AGAP3: variants seen among roughly 807,000 people sequenced by gnomAD.
The protein encoded by AGAP3 is ArfGAP with GTPase domain, ankyrin repeat and PH domain 3.
In AGAP3, 24 loss-of-function variants were observed where a neutral mutation model predicts 96.9. The ratio of observed to expected loss-of-function variants is 0.25; its 90% confidence interval spans 0.18 to 0.35. The LOEUF (loss-of-function observed/expected upper bound fraction) is 0.35, where lower values mean the gene tolerates loss of function less well. Ranked by LOEUF, AGAP3 falls within the 10% of genes least tolerant of loss-of-function variation. The pLI is 1.00. For synonymous variants in AGAP3, 563 were observed against 536.1 expected (o/e 1.05, Z -0.69); for missense variants, 876 against 1,254.2 (o/e 0.70, Z 4.55).
intron 8 of AGAP3, chr7:151,120,908 AACCCTAATCCTCCAGCCGGGCTTGGC>A: frequency 1.9e-6 from 2 of 1,028,082 alleles, no homozygotes; most frequent in Non-Finnish European, 2.4e-6. Flanking sequence ...TGCCCATCCA[AACCCTAATCCTCCAGCCGGGCTTGGC>A]TGGATGTTCC....
chr7:151,103,027 G>C (rs1021175318), intron 1 of AGAP3, among the ~76,000 whole-genome samples: 2 of 152,252 alleles, frequency 1.3e-5, no homozygotes, highest in Non-Finnish European at 2.9e-5. Flanking sequence ...ACTCCAGCTT[G>C]GACTATATTT....
intron 8 of AGAP3, 66 bp from the exon 9 acceptor site, chr7:151,123,728 A>G: frequency 6.3e-7 from 1 of 1,593,618 alleles, no homozygotes; most frequent in Non-Finnish European, 8.6e-7. Flanking sequence ...GAGGCCGGGA[A>G]GTCCAGGTGG....
At chr7:151,092,788 C>G (rs182558477) in intron 1 of AGAP3, among the ~76,000 whole-genome samples, 15 of 152,264 alleles carry the variant, frequency 9.9e-5, no homozygotes, top group Admixed American at 5.2e-4. Flanking sequence ...AACTCCAGGT[C>G]TCTGTGGTTT....
rs1161101625 is a variant in AGAP3 at position 151,087,084 on chromosome 7, C to A, written c.331+12C>A. 1 of 1,580,842 alleles carries A rather than the reference C, an allele frequency of 6.3e-7. No homozygotes were observed. The highest frequency in any genetic ancestry group is 1.1e-5 in the South Asian group (1 of 87,348). ...CATCTCCATCGAGGGTGAGCGGAGCCGGGGGCTGCGGGAGCCGGGGCGCAG... is the reference window on the plus strand; with the variant it reads ...CATCTCCATCGAGGGTGAGCGGAGCAGGGGGCTGCGGGAGCCGGGGCGCAG... On this transcript the variant is annotated intron_variant, in intron 1 of 17. Transcript: ENST00000397238.
At chr7:151,117,522 T>G (rs192463556) in intron 4 of AGAP3, 66 bp downstream of exon 4, 1 of 1,613,372 alleles carries the variant, frequency 6.2e-7, no homozygotes, top group East Asian at 2.2e-5. Flanking sequence ...GCTTGCTGGT[T>G]GGGACTGGGA....
In AGAP3 at chr7:151,143,777, C is replaced by A; in HGVS notation, c.2570C>A (p.Thr857Asn). Residue 857 changes from threonine to asparagine, a missense_variant, in exon 18 of 18, where the codon ACT becomes AAT. By Grantham distance (65) the Thr-to-Asn change is moderately conservative. Coordinates refer to ENST00000397238, the MANE Select transcript of AGAP3 (RefSeq NM_031946.7). The surrounding 1 kb of genome is among the most constrained non-coding windows in gnomAD (Gnocchi z 5.9). The stretch of plus-strand genomic sequence containing the variant: ...AGGAGCCGGGACGCCCGGGGCCTGA[C>A]TCCACTGGCATATGCTCGCCGGGCC... ...DVRSRDARGLTPLAYARRAGS... is the reference protein window; with the variant it reads ...DVRSRDARGLNPLAYARRAGS... The A allele has an allele frequency of 6.2e-7, 1 of 1,614,170 alleles. No homozygotes were observed. The highest frequency in any genetic ancestry group is 8.5e-7 in the Non-Finnish European group (1 of 1,180,048).
intron 3 of AGAP3, 30 bp from the exon 4 acceptor site, chr7:151,117,341 C>T: frequency 6.2e-7 from 1 of 1,613,642 alleles, no homozygotes; most frequent in South Asian, 1.1e-5. Context: ...TTTCTCCACA[C>T]TTTGGACCTG....
At chr7:151,137,445 C>T (rs1800643248) in intron 11 of AGAP3, among the ~76,000 whole-genome samples, 1 of 152,240 alleles carries the variant, frequency 6.6e-6, no homozygotes, top group Admixed American at 6.5e-5. Context: ...CCAACTCAGG[C>T]CTTGTACCAC....
At position 151,095,498 on chromosome 7, in the gene AGAP3, C is replaced by G. The variant is rs1022173100; in HGVS notation, c.331+8426C>G. 2.0e-5 allele frequency among the ~76,000 whole-genome samples: 3 copies of G among 152,232 alleles called. No individual in the cohort carries two copies. The South Asian group carries it at 6.2e-4, about 32-fold the overall frequency. ...GCTTGCAAACCTGAAACCCCAGCGC[C>G]TGGAGTGGGATCAAAGCCTGTCACA... On this transcript the variant is annotated intron_variant, in intron 1 of 17. Transcript: ENST00000397238.
chr7:151,110,699 C>G (rs1187627179), intron 1 of AGAP3, among the ~76,000 whole-genome samples: 1 of 152,050 alleles, frequency 6.6e-6, no homozygotes, highest in Non-Finnish European at 1.5e-5. Context: ...TGCTTAGGCC[C>G]GGGAGGATGG....
intron 3 of AGAP3, 40 bp from the exon 4 acceptor site, chr7:151,117,331 T>C: frequency 6.2e-7 from 1 of 1,613,012 alleles, no homozygotes; most frequent in Non-Finnish European, 8.5e-7. Context: ...CCCTGGATTC[T>C]TTCTCCACAC....
At chr7:151,123,063 C>T in intron 8 of AGAP3, 1 of 1,263,132 alleles carries the variant, frequency 7.9e-7, no homozygotes, top group Non-Finnish European at 1.0e-6. Context: ...CTGGCCAGCG[C>T]GACGAGGCCC....
At chr7:151,123,461 C>T in intron 8 of AGAP3, 2 of 1,164,744 alleles carry the variant, frequency 1.7e-6, no homozygotes, top group Non-Finnish European at 2.1e-6. Flanking sequence ...CCTGTGCTCC[C>T]GACCAGCAGC....
chr7:151,119,992 G>A lies in AGAP3; in HGVS notation c.975G>A (p.Thr325=), dbSNP rs1799796013. The stretch of plus-strand genomic sequence containing the variant: ...GCAGCCCTCTTTGTCCTTAGGCCAC[G>A]AATGGCGGCGGCAGCGCCTTCAGCG... ...SIPAVHINQA[T]NGGGSAFSDY... Residue 325 remains threonine, a synonymous_variant, in exon 8 of 18, where the codon ACG becomes ACA. Transcript: ENST00000397238. The A allele has an allele frequency of 4.3e-6, 7 of 1,613,398 alleles. No homozygotes were observed. The Admixed American group carries it at 6.7e-5, about 15-fold the overall frequency.
In AGAP3 at chr7:151,144,292, G is replaced by A. The variant is rs1425391171; in HGVS notation, c.*349G>A. On this transcript the variant is annotated 3_prime_UTR_variant, in exon 18 of 18. Transcript: ENST00000397238. ...TTCATCCTGAAACAGGAAGAGGACG[G>A]CACCAAGTTGGGGGTGCTGGATGAA... 2.5e-5 allele frequency: 8 copies of A among 317,666 alleles called. No homozygotes were observed. Among genetic ancestry groups the A allele is most frequent in the African/African-American group, 1.3e-4 (6 of 47,324 alleles). 19.7% of individuals were successfully genotyped at this position (317,666 alleles called of 1,614,324 possible).
intron 1 of AGAP3, among the ~76,000 whole-genome samples, chr7:151,099,194 T>C (rs1798734828): frequency 6.6e-6 from 1 of 151,654 alleles, no homozygotes; most frequent in African/African-American, 2.4e-5. Context: ...ATACAAAAAA[T>C]TAGCCGGGCA....
Position 151,133,065 on chromosome 7 carries a change from G to T in AGAP3, c.1327-1335G>T, listed in dbSNP as rs1000127670. Among the ~76,000 whole-genome samples, 1 of 152,196 alleles carries T rather than the reference G, an allele frequency of 6.6e-6. No individual in the cohort carries two copies. Among genetic ancestry groups the T allele is most frequent in the African/African-American group, 2.4e-5 (1 of 41,458 alleles). ...GTCTGGGAAGGCTCGTCGCACGGCC[G>T]CCCTTAGGATGCAGATATTCCAGAG... On this transcript the variant is annotated intron_variant, in intron 10 of 17. Transcript: ENST00000397238. This position sits in a 1 kb window ranked among gnomAD's most constrained non-coding sequence, Gnocchi z 5.4.
Position 151,131,260 on chromosome 7 carries a change from C to A in AGAP3, c.1326+2576C>A, listed in dbSNP as rs1362602386. On this transcript the variant is annotated intron_variant, in intron 10 of 17. Coordinates refer to ENST00000397238, the MANE Select transcript of AGAP3 (RefSeq NM_031946.7). Reference sequence around the variant, plus strand: ...CAGCCAGCGGAGCCATTCACACAATCACCTTCTGTTAATTCTATCTGCAAC... The same window carrying A: ...CAGCCAGCGGAGCCATTCACACAATAACCTTCTGTTAATTCTATCTGCAAC... The A allele has an allele frequency of 2.0e-5, 3 of 152,296 alleles. No homozygotes were observed. The East Asian group carries it at 5.8e-4, about 29-fold the overall frequency. 9.4% of individuals were successfully genotyped at this position (152,296 alleles called of 1,614,324 possible).
chr7:151,116,469 G>C (rs1799588681), intron 1 of AGAP3: 2 of 412,006 alleles, frequency 4.9e-6, no homozygotes, highest in South Asian at 6.9e-5. Context: ...GGCCACAGGG[G>C]CACTAGGCCA....
Sources: allele counts gnomAD v4.1 joint callset (sites outside exome capture counted in the v4.1 genomes callset), GRCh38; gene constraint gnomAD v4.1.1; non-coding constraint Gnocchi (gnomAD v3.1); transcripts MANE v1.5; gene names NCBI Gene and HGNC (gene_info 2026-07-23, HGNC 2026-07-21).